Variants in OSBPL1A observed in about 807,000 individuals in gnomAD.
The protein encoded by OSBPL1A is oxysterol binding protein like 1A.
OSBPL1A carries 80 observed loss-of-function variants against 137.1 expected under a neutral mutation model. That is an observed-to-expected ratio of 0.58 (90% CI 0.49 to 0.70). The LOEUF (loss-of-function observed/expected upper bound fraction) is 0.70. OSBPL1A is among the 30% of genes least tolerant of loss of function. The probability of loss-of-function intolerance (pLI) is 0.00; values close to 1 mark genes in which losing one functional copy is unlikely to be tolerated. For synonymous variants in OSBPL1A, 365 were observed against 389.7 expected, an observed-to-expected ratio of 0.94 and a Z score of 0.75; for missense variants, 970 against 1,129.4, an observed-to-expected ratio of 0.86 and a Z score of 2.02.
intron 4 of OSBPL1A, among the ~76,000 whole-genome samples, chr18:24,353,464 T>C (rs1458658252): frequency 6.6e-6 from 1 of 152,028 alleles, no homozygotes; most frequent in Non-Finnish European, 1.5e-5. Flanking sequence ...TTTTACACTG[T>C]TGGTGGGACT....
At chr18:24,286,904 T>C (rs1048251530) in intron 14 of OSBPL1A, among the ~76,000 whole-genome samples, 1 of 152,182 alleles carries the variant, frequency 6.6e-6, no homozygotes, top group African/African-American at 2.4e-5. Context: ...TTTACAGAGC[T>C]TGCTGTCTAG....
chr18:24,379,484 C>A (rs1008744389), intron 1 of OSBPL1A, among the ~76,000 whole-genome samples: 3 of 149,822 alleles, frequency 2.0e-5, no homozygotes, highest in African/African-American at 7.4e-5. Context: ...CATGCCACTG[C>A]ACTCCAGCCT....
intron 19 of OSBPL1A, 108 bp downstream of exon 19, chr18:24,181,037 C>G: frequency 7.4e-7 from 1 of 1,359,522 alleles, no homozygotes; most frequent in Non-Finnish European, 9.9e-7. Flanking sequence ...ATAAAATTGC[C>G]CAACCTCACA....
chr18:24,176,831 C>T (rs1264908610), intron 21 of OSBPL1A, among the ~76,000 whole-genome samples: 1 of 152,166 alleles, frequency 6.6e-6, no homozygotes, highest in Non-Finnish European at 1.5e-5. Flanking sequence ...TGGGTCATTT[C>T]AATGCATGTG....
At chr18:24,186,819 G>A (rs8088958) in intron 18 of OSBPL1A, among the ~76,000 whole-genome samples, 10,449 of 146,994 alleles carry the variant, frequency 0.071, 1,190 homozygotes, top group African/African-American at 0.24. Flanking sequence ...CAGGAGGATT[G>A]CTTGAACCTG....
chr18:24,185,968 C>T (rs1037814959), intron 18 of OSBPL1A, among the ~76,000 whole-genome samples: 10 of 151,934 alleles, frequency 6.6e-5, no homozygotes, highest in South Asian at 2.1e-4. Context: ...CTTGGGAGGC[C>T]GAGGCAGAAG....
intron 1 of OSBPL1A, among the ~76,000 whole-genome samples, chr18:24,390,768 A>T (rs921049797): frequency 6.7e-6 from 1 of 149,638 alleles, no homozygotes; most frequent in South Asian, 2.1e-4. Flanking sequence ...TGTGTTTCTC[A>T]TTTTCCATGC....
intron 14 of OSBPL1A, among the ~76,000 whole-genome samples, chr18:24,299,449 G>A (rs1026106459): frequency 3.9e-5 from 6 of 151,936 alleles, no homozygotes; most frequent in African/African-American, 1.5e-4. Context: ...TTCACGTAGA[G>A]TTTATTTGTC....
rs1456640386 is a variant in OSBPL1A at position 24,370,760 on chromosome 18, T to C, written c.122-2388A>G. ...ACATCTCACTGCAGCCTTTACCTCCTGGGCTCAAGCAACTCTCCCACCTCA... is the reference window on the plus strand; with the variant it reads ...ACATCTCACTGCAGCCTTTACCTCCCGGGCTCAAGCAACTCTCCCACCTCA... On this transcript the variant is annotated intron_variant, in intron 2 of 27. Coordinates refer to ENST00000319481, the MANE Select transcript of OSBPL1A (RefSeq NM_080597.4). 3.9e-5 allele frequency among the ~76,000 whole-genome samples: 6 copies of C among 152,294 alleles called. No individual in the cohort carries two copies. In the South Asian group the frequency reaches 1.0e-3, roughly 26 times the overall value.
rs2089715723 is a variant in OSBPL1A at position 24,271,459 on chromosome 18, C to A, written c.1281+9383G>T. Reference sequence around the variant, plus strand: ...CCCGGCTGGTGCGCCCCTCCCCACGCGCCCGCGGCTGCACCCCACTCTGCA... The same window carrying A: ...CCCGGCTGGTGCGCCCCTCCCCACGAGCCCGCGGCTGCACCCCACTCTGCA... On this transcript the variant is annotated intron_variant, in intron 15 of 27. Coordinates refer to ENST00000319481, the MANE Select transcript of OSBPL1A (RefSeq NM_080597.4). The surrounding 1 kb of genome is among the most constrained non-coding windows in gnomAD (Gnocchi z 4.0). 2 of 743,928 alleles carry A rather than the reference C, an allele frequency of 2.7e-6. No individual in the cohort carries two copies. Among genetic ancestry groups the A allele is most frequent in the Admixed American group, 6.3e-5 (1 of 15,992 alleles). 46.1% of individuals were successfully genotyped at this position (743,928 alleles called of 1,614,324 possible). A position where few individuals can be genotyped will look rare whatever the true frequency, so the allele number is the denominator to read the frequency against.
rs201106323 is a variant in OSBPL1A, at chr18:24,171,400, A to T, written c.2291+9T>A. 22 of 1,594,350 alleles carry T rather than the reference A, an allele frequency of 1.4e-5. No homozygotes were observed. The East Asian group carries it at 4.5e-4, about 32-fold the overall frequency. On this transcript the variant is annotated intron_variant, in intron 23 of 27. Coordinates refer to ENST00000319481, the MANE Select transcript of OSBPL1A (RefSeq NM_080597.4). ...CTATACTATTCAACATTTAAAAGAG[A>T]AATTTTACCTTTTATCTTGAATGTA...
At chr18:24,327,155 T>G (rs1042721464) in intron 7 of OSBPL1A, among the ~76,000 whole-genome samples, 9 of 150,676 alleles carry the variant, frequency 6.0e-5, no homozygotes, top group African/African-American at 2.2e-4. Context: ...TCACCCATGC[T>G]GTAGTTCAGT....
At chr18:24,201,912 T>G (rs1265305129) in intron 17 of OSBPL1A, among the ~76,000 whole-genome samples, 1 of 152,170 alleles carries the variant, frequency 6.6e-6, no homozygotes. Context: ...TCAACACTGT[T>G]TGCTCATAGA....
intron 7 of OSBPL1A, among the ~76,000 whole-genome samples, chr18:24,322,914 C>A (rs564928644): frequency 1.3e-5 from 2 of 152,210 alleles, no homozygotes; most frequent in East Asian, 1.9e-4. Flanking sequence ...CCAACCACAA[C>A]AAAATAAAGT....
At chr18:24,191,582 G>A (rs1172644057) in intron 18 of OSBPL1A, among the ~76,000 whole-genome samples, 1 of 152,100 alleles carries the variant, frequency 6.6e-6, no homozygotes, top group African/African-American at 2.4e-5. Context: ...GTTTACAATT[G>A]TAATCAAATA....
chr18:24,281,633 C>A (rs965622195), intron 14 of OSBPL1A, among the ~76,000 whole-genome samples: 1 of 150,038 alleles, frequency 6.7e-6, no homozygotes, highest in South Asian at 2.1e-4. Context: ...TCAGGTGATC[C>A]GCCCACCTCG....
chr18:24,358,590 A>T, intron 4 of OSBPL1A: 1 of 695,582 alleles, frequency 1.4e-6, no homozygotes, highest in East Asian at 2.7e-5. Flanking sequence ...TTGTCTGGGC[A>T]TCGCCTGAAA....
intron 14 of OSBPL1A, among the ~76,000 whole-genome samples, chr18:24,288,241 A>T (rs2090104725): frequency 6.6e-6 from 1 of 152,224 alleles, no homozygotes; most frequent in South Asian, 2.1e-4. Flanking sequence ...ACCCAAATGC[A>T]TGAGAAAAGG....
Position 24,315,776 on chromosome 18 carries a change from TA to T in OSBPL1A, c.870+1372del, listed in dbSNP as rs1276845329. Among the ~76,000 whole-genome samples, 24 of 115,506 alleles carry T rather than the reference TA, an allele frequency of 2.1e-4. 1 individual carries two copies. The highest frequency in any genetic ancestry group is 8.1e-4 in the Admixed American group (7 of 8,616). The allele number at this position is 115,506 out of a possible 152,430, so 75.8% of individuals were successfully genotyped here. A position where few individuals can be genotyped will look rare whatever the true frequency, so the allele number is the denominator to read the frequency against. ...ATAATATATAGTATATATTATATAATAAAAAATATAATATAATATATAGTAT... is the reference window on the plus strand; with the variant it reads ...ATAATATATAGTATATATTATATAATAAAAATATAATATAATATATAGTAT... On this transcript the variant is annotated intron_variant, in intron 11 of 27. Transcript: ENST00000319481.
Sources: allele counts gnomAD v4.1 joint callset (sites outside exome capture counted in the v4.1 genomes callset), GRCh38; gene constraint gnomAD v4.1.1; non-coding constraint Gnocchi (gnomAD v3.1); transcripts MANE v1.5; gene names NCBI Gene and HGNC (gene_info 2026-07-23, HGNC 2026-07-21).